Variants in FBRS observed in about 807,000 individuals in gnomAD.
The protein encoded by FBRS is probable fibrosin-1.
A neutral mutation model predicts 86.1 loss-of-function variants in FBRS; 15 were observed. The ratio of observed to expected loss-of-function variants is 0.17; its 90% CI spans 0.12 to 0.27. The LOEUF (loss-of-function observed/expected upper bound fraction) is 0.27, where lower values mean the gene tolerates loss of function less well. Ranked by LOEUF, FBRS falls within the 10% of genes least tolerant of loss-of-function variation. The pLI is 1.00. For missense variants in FBRS, 1,367 were observed against 1,301.6 expected (o/e 1.05, Z -0.77); for synonymous variants, 666 against 575.8 (o/e 1.16, Z -2.24).
chr16:30,666,200 T>G (rs1326079422), intron 11 of FBRS: 1 of 531,256 alleles, frequency 1.9e-6, no homozygotes, highest in Non-Finnish European at 3.4e-6. Context: ...TAAATAAATC[T>G]TAAACAGACC....
chr16:30,667,432 C>G lies in FBRS; in HGVS notation c.1988C>G (p.Ala663Gly), dbSNP rs748596768. ...ELSHPASLFT[A>G]TGAVHAAANP... ...TCCCACCCGGCCTCCCTCTTCACTGCGACTGGTGAGTCTGGCCAGCCCCCT... is the reference window on the plus strand; with the variant it reads ...TCCCACCCGGCCTCCCTCTTCACTGGGACTGGTGAGTCTGGCCAGCCCCCT... The change falls in exon 14 of 18, where the codon GCG becomes GGG. Residue 663 changes from alanine (A) to glycine (G), a missense_variant. By Grantham distance (60) the Ala-to-Gly change is moderately conservative. Around this residue, in one of 3 missense-constraint regions of FBRS, gnomAD observed 659 missense variants for 678.8 expected, o/e 0.97. Coordinates refer to ENST00000356166, the MANE Select transcript of FBRS (RefSeq NM_001105079.3). 3.9e-5 allele frequency: 60 copies of G among 1,542,118 alleles called. No individual in the cohort carries two copies. In the East Asian group the frequency reaches 1.4e-3, roughly 37 times the overall value.
Position 30,669,722 on chromosome 16 carries a change from A to G in FBRS, c.*77A>G, listed in dbSNP as rs2052574594. 2.7e-6 allele frequency: 4 copies of G among 1,458,720 alleles called. No individual in the cohort carries two copies. Among genetic ancestry groups the G allele is most frequent in the Non-Finnish European group, 2.7e-6 (3 of 1,108,672 alleles). The allele number at this position is 1,458,720 out of a possible 1,614,324, so 90.4% of individuals were successfully genotyped here. A position where few individuals can be genotyped will look rare whatever the true frequency, so the allele number is the denominator to read the frequency against. ...GGTCCTAGGGCTGAGGTTTTAAGCC[A>G]GGGCTGGAGGGCAAAGGTCATAACC... On this transcript the variant is annotated 3_prime_UTR_variant, in exon 18 of 18. Transcript: ENST00000356166. This position sits in a 1 kb window ranked among gnomAD's most constrained non-coding sequence, Gnocchi z 5.9.
chr16:30,662,038 C>T (rs964421893), intron 4 of FBRS: 1 of 226,210 alleles, frequency 4.4e-6, no homozygotes, highest in Non-Finnish European at 8.8e-6. Flanking sequence ...TGAGGAATCT[C>T]CGGATTCTTA....
At position 30,661,235 on chromosome 16, in the gene FBRS, C is replaced by T. The variant is rs1567543804; in HGVS notation, c.675+20C>T. The T allele has an allele frequency of 1.3e-6, 2 of 1,550,874 alleles. No homozygotes were observed. Among genetic ancestry groups the T allele is most frequent in the East Asian group, 4.9e-5 (2 of 40,926 alleles). On this transcript the variant is annotated intron_variant, in intron 3 of 17. Coordinates refer to ENST00000356166, the MANE Select transcript of FBRS (RefSeq NM_001105079.3). ...TACATAGTAAGTGCTATCCACCTGT[C>T]CTGGCCCCTCCCTGCTCCACCCTGG...
rs1018777593 is a variant in FBRS at position 30,665,346 on chromosome 16, C to T, written c.1649C>T (p.Pro550Leu). 1.3e-5 allele frequency: 21 copies of T among 1,566,472 alleles called. No individual in the cohort carries two copies. The highest frequency in any genetic ancestry group is 7.6e-5 in the Admixed American group (4 of 52,570). Residue 550 changes from proline to leucine, a missense_variant, in exon 10 of 18, where the codon CCG becomes CTG. This residue lies in a region of FBRS where 659 missense variants were observed against 678.8 expected (regional missense o/e 0.97). Transcript: ENST00000356166. The surrounding 1 kb of genome is among the most constrained non-coding windows in gnomAD (Gnocchi z 4.1). The stretch of plus-strand genomic sequence containing the variant: ...CCTCCCGCAGTGCCCGGGCTGCCTC[C>T]GGGCCTCCCGCCGGCCGTCTCCTTT... The part of the protein sequence containing the change: ...AFPPAVPGLP[P>L]GLPPAVSFGS...
rs2052426616 is a variant in FBRS, at chr16:30,659,473, G to A, written c.-46G>A. On this transcript the variant is annotated 5_prime_UTR_variant, in exon 1 of 18. Transcript: ENST00000356166. The stretch of plus-strand genomic sequence containing the variant: ...GCGACCCCGGGCCTGCGGACAGGCC[G>A]CTTCGGGCCCCGCCGCCTCCGGATG... 2 of 267,196 alleles carry A rather than the reference G, an allele frequency of 7.5e-6. No homozygotes were observed. The highest frequency in any genetic ancestry group is 2.3e-5 in the African/African-American group (1 of 44,118). 16.6% of individuals were successfully genotyped at this position (267,196 alleles called of 1,614,324 possible).
At chr16:30,667,171 T>C in intron 13 of FBRS, 149 bp from the exon 14 acceptor site, 1 of 909,782 alleles carries the variant, frequency 1.1e-6, no homozygotes, top group East Asian at 2.6e-5. Context: ...AGGGGGCTGC[T>C]CAGAGAAGGC....
At position 30,659,751 on chromosome 16, in the gene FBRS, G is replaced by T. The variant is rs764280071; in HGVS notation, c.233G>T (p.Gly78Val). 4 of 1,376,704 alleles carry T rather than the reference G, an allele frequency of 2.9e-6. No homozygotes were observed. The Admixed American group carries it at 7.5e-5, about 26-fold the overall frequency. 85.3% of individuals were successfully genotyped at this position (1,376,704 alleles called of 1,614,324 possible). A position where few individuals can be genotyped will look rare whatever the true frequency, so the allele number is the denominator to read the frequency against. ...SSASSGERPG[G>V]PRRRRPRPRP... Reference sequence around the variant, plus strand: ...GCTTCGTCTGGAGAGCGGCCTGGGGGCCCGAGACGCCGGCGGCCCCGTCCG... The same window carrying T: ...GCTTCGTCTGGAGAGCGGCCTGGGGTCCCGAGACGCCGGCGGCCCCGTCCG... The change falls in exon 1 of 18, where the codon GGC becomes GTC. Residue 78 changes from glycine (G) to valine (V), a missense_variant. Coordinates refer to ENST00000356166, the MANE Select transcript of FBRS (RefSeq NM_001105079.3).
rs773689008 is a variant in FBRS at position 30,668,825 on chromosome 16, G to A, written c.2212G>A (p.Ala738Thr). The change falls in exon 17 of 18, where the codon GCC (alanine) becomes ACC (threonine). Residue 738 changes from alanine to threonine, a missense_variant. Around this residue, in one of 3 missense-constraint regions of FBRS, gnomAD observed 659 missense variants for 678.8 expected, o/e 0.97. Transcript: ENST00000356166. Reference protein sequence around the residue: ...KESPGAPPAFASPPDPWGRLH... With the variant: ...KESPGAPPAFTSPPDPWGRLH... ...AAGCCCAGGGGCCCCACCAGCCTTC[G>A]CCTCCCCACCGGACCCATGGGGCCG... is the stretch of plus-strand genomic sequence containing the variant. 1.1e-5 allele frequency: 17 copies of A among 1,597,126 alleles called. No homozygotes were observed. The highest frequency in any genetic ancestry group is 4.5e-5 in the East Asian group (2 of 44,498).
In FBRS at chr16:30,665,533, C is replaced by A; in HGVS notation, c.1705-105C>A. 6.9e-7 allele frequency: 1 copy of A among 1,459,170 alleles called. No individual in the cohort carries two copies. 90.4% of individuals were successfully genotyped at this position (1,459,170 alleles called of 1,614,324 possible). A position where few individuals can be genotyped will look rare whatever the true frequency, so the allele number is the denominator to read the frequency against. On this transcript the variant is annotated intron_variant, in intron 10 of 17. Transcript: ENST00000356166. This position sits in a 1 kb window ranked among gnomAD's most constrained non-coding sequence, Gnocchi z 4.1. Reference sequence around the variant, plus strand: ...GCCCTGCCCTGCTGCACCCAGTTTTCTCCAAAGCCATGATCCCTCCCTGCC... The same window carrying A: ...GCCCTGCCCTGCTGCACCCAGTTTTATCCAAAGCCATGATCCCTCCCTGCC...
chr16:30,664,712 C>T lies in FBRS; in HGVS notation c.1358-3C>T. On this transcript the variant is annotated splice_polypyrimidine_tract_variant and splice_region_variant and intron_variant, in intron 7 of 17. Transcript: ENST00000356166. ...TAAAGCCTTCTCCCGTCCCCTCCCA[C>T]AGAGCAGGACCTGATCGGCCAGGAC... 2.0e-6 allele frequency: 3 copies of T among 1,516,540 alleles called. No individual in the cohort carries two copies. The highest frequency in any genetic ancestry group is 2.7e-6 in the Non-Finnish European group (3 of 1,127,308). 93.9% of individuals were successfully genotyped at this position (1,516,540 alleles called of 1,614,324 possible). A position where few individuals can be genotyped will look rare whatever the true frequency, so the allele number is the denominator to read the frequency against.
chr16:30,666,652 G>A, intron 12 of FBRS, 111 bp downstream of exon 12: 2 of 1,536,790 alleles, frequency 1.3e-6, no homozygotes, highest in Non-Finnish European at 9.0e-7. Flanking sequence ...CATGGAGGCA[G>A]CCAGATGTGG....
chr16:30,661,167 T>G lies in FBRS; in HGVS notation c.640-13T>G. ...AGCCGCCTCCCTCACCTCTGGACTC[T>G]GGTCTTCCTCAGGCGTCCTCCCGTC... On this transcript the variant is annotated splice_polypyrimidine_tract_variant and intron_variant, in intron 2 of 17. Coordinates refer to ENST00000356166, the MANE Select transcript of FBRS (RefSeq NM_001105079.3). 6.4e-7 allele frequency: 1 copy of G among 1,550,546 alleles called. No homozygotes were observed. The highest frequency in any genetic ancestry group is 2.4e-5 in the East Asian group (1 of 40,918).
In FBRS at chr16:30,669,746, C is replaced by A; in HGVS notation, c.*101C>A. On this transcript the variant is annotated 3_prime_UTR_variant, in exon 18 of 18. Transcript: ENST00000356166. The surrounding 1 kb of genome is among the most constrained non-coding windows in gnomAD (Gnocchi z 5.9). The stretch of plus-strand genomic sequence containing the variant: ...CAGGGCTGGAGGGCAAAGGTCATAA[C>A]CTCACCAGCCACCTCTGAGGTCATG... 5.1e-6 allele frequency: 7 copies of A among 1,380,242 alleles called. No homozygotes were observed. Among genetic ancestry groups the A allele is most frequent in the Non-Finnish European group, 6.7e-6 (7 of 1,045,162 alleles). The allele number at this position is 1,380,242 out of a possible 1,614,324, so 85.5% of individuals were successfully genotyped here.
intron 4 of FBRS, 36 bp downstream of exon 4, chr16:30,661,369 T>TG (rs2052459439): frequency 4.5e-6 from 7 of 1,550,544 alleles, no homozygotes; most frequent in African/African-American, 1.4e-5. Flanking sequence ...GCAGTGTCAC[T>TG]GCTTGTAAAA....
rs758950937 is a variant in FBRS, at chr16:30,669,204, CGCTGCCGCTGCT to C, written c.2511_2522del (p.Ala846_Ala849del). 30 of 1,544,160 alleles carry C rather than the reference CGCTGCCGCTGCT, an allele frequency of 1.9e-5. No homozygotes were observed. The highest frequency in any genetic ancestry group is 1.7e-4 in the Middle Eastern group (1 of 5,996). The stretch of plus-strand genomic sequence containing the variant: ...AGCGGAAGGAGGAGGCTGCCGCCGC[CGCTGCCGCTGCT>C]GCTGCCGCCGCCGCTGCCGCCGCCG... On this transcript the variant is annotated inframe_deletion, in exon 18 of 18. Transcript: ENST00000356166. The surrounding 1 kb of genome is among the most constrained non-coding windows in gnomAD (Gnocchi z 5.9).
At position 30,665,474 on chromosome 16, in the gene FBRS, T is replaced by G. The variant is rs947901577; in HGVS notation, c.1704+73T>G. The G allele has an allele frequency of 2.3e-5, 34 of 1,465,360 alleles. No homozygotes were observed. Among genetic ancestry groups the G allele is most frequent in the Non-Finnish European group, 3.1e-5 (33 of 1,069,066 alleles). The allele number at this position is 1,465,360 out of a possible 1,614,324, so 90.8% of individuals were successfully genotyped here. On this transcript the variant is annotated intron_variant, in intron 10 of 17. Transcript: ENST00000356166. This position sits in a 1 kb window ranked among gnomAD's most constrained non-coding sequence, Gnocchi z 4.1. ...CCAGACACGCCGGGTCCAAGCACCC[T>G]TCTCCCATTCCCCAAAGTCGTGCCC...
intron 14 of FBRS, 38 bp from the exon 15 acceptor site, chr16:30,667,504 A>G (rs1567547167): frequency 6.6e-7 from 1 of 1,516,334 alleles, no homozygotes; most frequent in Non-Finnish European, 8.9e-7. Flanking sequence ...GCTTGTGCCC[A>G]CTCAGCCTCA....
chr16:30,661,332 G>A lies in FBRS; in HGVS notation c.704G>A (p.Arg235Lys). The A allele has an allele frequency of 6.4e-7, 1 of 1,550,664 alleles. No homozygotes were observed. Among genetic ancestry groups the A allele is most frequent in the South Asian group, 1.2e-5 (1 of 84,050 alleles). ...ICDAESDLDE[R>K]VSDDDLDPSF... ...GACGCGGAAAGTGATCTGGACGAGA[G>A]GGTGAGTGGGGCTAGAGCTTGGGTG... Residue 235 changes from arginine (R) to lysine (K), a missense_variant and splice_region_variant, in exon 4 of 18, where the codon AGG becomes AAG. This residue lies in a region of FBRS where 702 missense variants were observed against 598.7 expected (regional missense o/e 1.17). Coordinates refer to ENST00000356166, the MANE Select transcript of FBRS (RefSeq NM_001105079.3).
Sources: allele counts gnomAD v4.1 joint callset, GRCh38; gene constraint gnomAD v4.1.1; regional missense constraint gnomAD v4.1.1; non-coding constraint Gnocchi (gnomAD v3.1); transcripts MANE v1.5; gene names NCBI Gene and HGNC (gene_info 2026-07-23, HGNC 2026-07-21).